Variants in CABIN1 observed in about 807,000 individuals in gnomAD.
CABIN1 encodes the protein calcineurin binding protein 1.
A neutral mutation model predicts 227.7 loss-of-function variants in CABIN1; 133 were observed. The observed-to-expected ratio is 0.58, with a 90% confidence interval of 0.51 to 0.67. The LOEUF (loss-of-function observed/expected upper bound fraction) is 0.67. Among genes scored for constraint, CABIN1 ranks in the 30% least tolerant of loss-of-function variants. CABIN1 has a pLI of 0.00. For missense variants in CABIN1, 2,408 were observed against 2,852.5 expected (o/e 0.84, Z 3.55); for synonymous variants, 1,086 against 1,155.1 (o/e 0.94, Z 1.21).
At chr22:24,133,207 C>G (rs1194068650) in intron 28 of CABIN1, among the ~76,000 whole-genome samples, 1 of 152,198 alleles carries the variant, frequency 6.6e-6, no homozygotes, top group Non-Finnish European at 1.5e-5. Flanking sequence ...CCCTCAGTCC[C>G]TACAGCATCC....
At chr22:24,049,634 C>T (rs1194120067) in intron 7 of CABIN1, among the ~76,000 whole-genome samples, 2 of 152,186 alleles carry the variant, frequency 1.3e-5, no homozygotes, top group African/African-American at 2.4e-5. Context: ...AGGACATAGC[C>T]CATGCTCAGT....
chr22:24,056,543 T>TC (rs2038812894), intron 10 of CABIN1, 183 bp downstream of exon 10: 1 of 623,330 alleles, frequency 1.6e-6, no homozygotes, highest in South Asian at 2.0e-5. Context: ...TTTTCTCGCC[T>TC]CTTCCCACCT....
intron 1 of CABIN1, among the ~76,000 whole-genome samples, chr22:24,019,610 A>ATATCATAT (rs1425240012): frequency 2.9e-5 from 4 of 139,590 alleles, no homozygotes; most frequent in Admixed American, 2.8e-4. Context: ...TCCAGGTAGT[A>ATATCATAT]TATCATATTA....
chr22:24,134,833 T>G (rs2044293034), intron 29 of CABIN1, among the ~76,000 whole-genome samples: 1 of 152,192 alleles, frequency 6.6e-6, no homozygotes, highest in Non-Finnish European at 1.5e-5. Context: ...GTCCCAGCAC[T>G]TTTGGAGGCC....
chr22:24,177,880 T>A lies in CABIN1; in HGVS notation c.6519+63T>A, dbSNP rs2047203581. ...GGAGGCATAGGTTACAAAGGGGGCC[T>A]AGGATGGGGGTGGGGGTGGCAGGAG... On this transcript the variant is annotated intron_variant, in intron 36 of 36. Transcript: ENST00000263119. The surrounding 1 kb of genome is among the most constrained non-coding windows in gnomAD (Gnocchi z 4.4). 2 of 1,504,922 alleles carry A rather than the reference T, an allele frequency of 1.3e-6. No homozygotes were observed. The highest frequency in any genetic ancestry group is 3.7e-5 in the Admixed American group (2 of 54,526). The allele number at this position is 1,504,922 out of a possible 1,614,324, so 93.2% of individuals were successfully genotyped here.
chr22:24,178,384 G>T lies in CABIN1; in HGVS notation c.*188G>T, dbSNP rs1042664047. On this transcript the variant is annotated 3_prime_UTR_variant, in exon 37 of 37. Transcript: ENST00000263119. ...AGGTCAGGCTGTCCACACCACATGG[G>T]AGCCCAGAGGAGGAGGGGCCCGCCT... 2 of 673,436 alleles carry T rather than the reference G, an allele frequency of 3.0e-6. No individual in the cohort carries two copies. Among genetic ancestry groups the T allele is most frequent in the African/African-American group, 3.6e-5 (2 of 55,204 alleles). The allele number at this position is 673,436 out of a possible 1,614,324, so 41.7% of individuals were successfully genotyped here. A position where few individuals can be genotyped will look rare whatever the true frequency, so the allele number is the denominator to read the frequency against.
intron 16 of CABIN1, among the ~76,000 whole-genome samples, chr22:24,070,166 A>T (rs1196660182): frequency 2.0e-5 from 3 of 152,192 alleles, no homozygotes; most frequent in Non-Finnish European, 4.4e-5. Context: ...GAGTTCTTCC[A>T]TGTGCCAGGC....
intron 1 of CABIN1, among the ~76,000 whole-genome samples, chr22:24,016,792 G>A (rs1371832162): frequency 2.0e-5 from 3 of 152,124 alleles, no homozygotes; most frequent in African/African-American, 4.8e-5. Context: ...CCACAACCTC[G>A]CCAACAGTGT....
intron 29 of CABIN1, among the ~76,000 whole-genome samples, chr22:24,137,983 T>C (rs922055669): frequency 6.6e-6 from 1 of 152,138 alleles, no homozygotes; most frequent in African/African-American, 2.4e-5. Context: ...TGCTGGCCCT[T>C]GAGAGGAGAT....
chr22:24,054,437 A>T, intron 8 of CABIN1, among the ~76,000 whole-genome samples: 1 of 152,232 alleles, frequency 6.6e-6, no homozygotes, highest in East Asian at 1.9e-4. Flanking sequence ...CTTATAGACC[A>T]TGTCCCTGTT....
At chr22:24,053,530 A>G (rs371929830) in intron 8 of CABIN1, among the ~76,000 whole-genome samples, 25 of 151,662 alleles carry the variant, frequency 1.6e-4, no homozygotes, top group African/African-American at 6.1e-4. Context: ...GACATGCGCC[A>G]CCACCCCTGG....
rs201704382 is a variant in CABIN1, at chr22:24,031,375, A to G, written c.-74-4069A>G. 8.5e-5 allele frequency among the ~76,000 whole-genome samples: 13 copies of G among 152,264 alleles called. No individual in the cohort carries two copies. The East Asian group carries it at 2.5e-3, about 29-fold the overall frequency. On this transcript the variant is annotated intron_variant, in intron 1 of 36. Coordinates refer to ENST00000263119, the MANE Select transcript of CABIN1 (RefSeq NM_012295.4). ...AGAGGAGCTCCACGCTAGTCAAGCT[A>G]TTGTCGCCATTTTATATACAAGGAC...
intron 29 of CABIN1, among the ~76,000 whole-genome samples, chr22:24,161,728 C>A (rs2046164819): frequency 1.3e-5 from 2 of 152,342 alleles, no homozygotes; most frequent in Non-Finnish European, 2.9e-5. Context: ...ATTCTCCACA[C>A]CCTCCCTGAG....
chr22:24,059,969 G>A lies in CABIN1; in HGVS notation c.1445G>A (p.Gly482Glu). Residue 482 changes from glycine (G) to glutamate (E), a missense_variant, in exon 12 of 37, where the codon GGG (glycine) becomes GAG (glutamate). Physicochemically the swap from Gly to Glu is moderately conservative, Grantham distance 98. This residue lies in a region of CABIN1 where 1,045 missense variants were observed against 1,168.4 expected (regional missense o/e 0.89). Transcript: ENST00000263119. ...TTCCTGCTGGAGAACCTAACCAACG[G>A]GGGCATCCTGGAGCTGATGATGCGC... Reference protein sequence around the residue: ...HEFLLENLTNGGILELMMRYL... With the variant: ...HEFLLENLTNEGILELMMRYL... 1 of 1,614,172 alleles carries A rather than the reference G, an allele frequency of 6.2e-7. No homozygotes were observed. The highest frequency in any genetic ancestry group is 8.5e-7 in the Non-Finnish European group (1 of 1,180,032).
intron 8 of CABIN1, among the ~76,000 whole-genome samples, chr22:24,052,041 C>T (rs1005173795): frequency 8.5e-5 from 13 of 152,070 alleles, no homozygotes; most frequent in Admixed American, 2.0e-4. Flanking sequence ...AGTCCTTCTC[C>T]CATCTGAGTG....
intron 10 of CABIN1, 93 bp downstream of exon 10, chr22:24,056,453 C>A: frequency 5.0e-6 from 6 of 1,196,452 alleles, no homozygotes; most frequent in Non-Finnish European, 7.4e-6. Context: ...CCACCCTCTT[C>A]TCTGGTCTCC....
Position 24,119,718 on chromosome 22 carries a change from A to C in CABIN1, c.4632+20A>C, listed in dbSNP as rs760102814. 1 of 1,610,306 alleles carries C rather than the reference A, an allele frequency of 6.2e-7. No individual in the cohort carries two copies. The highest frequency in any genetic ancestry group is 1.7e-5 in the Admixed American group (1 of 60,028). ...CACCGGGTGAGTGGCTGCCGGGCCA[A>C]GGGGGCTTGGATCTTCCCAGGGCAG... is the stretch of plus-strand genomic sequence containing the variant. On this transcript the variant is annotated intron_variant, in intron 28 of 36. Coordinates refer to ENST00000263119, the MANE Select transcript of CABIN1 (RefSeq NM_012295.4).
intron 8 of CABIN1, among the ~76,000 whole-genome samples, chr22:24,051,369 C>G (rs1464931882): frequency 6.6e-6 from 1 of 152,072 alleles, no homozygotes; most frequent in Admixed American, 6.5e-5. Flanking sequence ...CTGGGCTTCT[C>G]CGCTCTCAAG....
intron 29 of CABIN1, among the ~76,000 whole-genome samples, chr22:24,148,636 C>G (rs1468523274): frequency 1.3e-5 from 2 of 152,246 alleles, no homozygotes; most frequent in African/African-American, 2.4e-5. Context: ...CTTAGTTTCT[C>G]CATTTCCAAA....
Sources: allele counts gnomAD v4.1 joint callset (sites outside exome capture counted in the v4.1 genomes callset), GRCh38; gene constraint gnomAD v4.1.1; regional missense constraint gnomAD v4.1.1; non-coding constraint Gnocchi (gnomAD v3.1); transcripts MANE v1.5; gene names NCBI Gene and HGNC (gene_info 2026-07-23, HGNC 2026-07-21).